The following SCLT1 variants were observed in gnomAD, a reference collection of about 807,000 sequenced individuals.
SCLT1 encodes sodium channel and clathrin linker 1, also known as sodium channel-associated protein 1.
Under a neutral mutation model 112.8 loss-of-function variants are expected in SCLT1, and 78 were observed. The observed-to-expected ratio is 0.69, with a 90% confidence interval of 0.58 to 0.83. The LOEUF (loss-of-function observed/expected upper bound fraction) is 0.83. SCLT1 is among the 40% of genes least tolerant of loss of function. The pLI is 0.00. For missense variants in SCLT1, 747 were observed against 770.4 expected (o/e 0.97, Z 0.36); for synonymous variants, 257 against 254.7 (o/e 1.01, Z -0.09).
At chr4:129,014,388 C>T (rs1744810783) in intron 5 of SCLT1, among the ~76,000 whole-genome samples, 1 of 152,148 alleles carries the variant, frequency 6.6e-6, no homozygotes, top group East Asian at 1.9e-4. Context: ...GGCACTGTGG[C>T]TTTTTGAGTT....
At chr4:129,045,314 G>T (rs1198799465) in intron 2 of SCLT1, among the ~76,000 whole-genome samples, 1 of 151,964 alleles carries the variant, frequency 6.6e-6, no homozygotes, top group East Asian at 1.9e-4. Context: ...CCTATAAATG[G>T]AAAGACTGAC....
intron 15 of SCLT1, among the ~76,000 whole-genome samples, chr4:128,947,514 C>T (rs1738278892): frequency 6.6e-6 from 1 of 152,100 alleles, no homozygotes; most frequent in Non-Finnish European, 1.5e-5. Context: ...AATTTTTACG[C>T]TACATAGCTC....
At chr4:128,911,069 G>C (rs1343602162) in intron 18 of SCLT1, among the ~76,000 whole-genome samples, 1 of 152,056 alleles carries the variant, frequency 6.6e-6, no homozygotes, top group African/African-American at 2.4e-5. Flanking sequence ...TTCGAGACCA[G>C]CCTGGCAAAC....
chr4:128,897,211 C>T (rs1733841838), intron 18 of SCLT1, among the ~76,000 whole-genome samples: 1 of 152,056 alleles, frequency 6.6e-6, no homozygotes, highest in Non-Finnish European at 1.5e-5. Flanking sequence ...AACTCCAAGA[C>T]ACATAATTGT....
intron 2 of SCLT1, among the ~76,000 whole-genome samples, chr4:129,046,834 A>G (rs1400752213): frequency 6.6e-6 from 1 of 152,082 alleles, no homozygotes; most frequent in Non-Finnish European, 1.5e-5. Flanking sequence ...ACTTGGAACT[A>G]TGCTTTTCAC....
Position 129,003,815 on chromosome 4 carries a change from C to G in SCLT1, c.352G>C (p.Glu118Gln). 1 of 1,612,226 alleles carries G rather than the reference C, an allele frequency of 6.2e-7. No individual in the cohort carries two copies. The highest frequency in any genetic ancestry group is 1.1e-5 in the South Asian group (1 of 90,896). Residue 118 changes from glutamate to glutamine, a missense_variant, in exon 6 of 21, where the codon GAG (glutamate) becomes CAG (glutamine). Glu to Gln is a conservative substitution (Grantham distance 29, BLOSUM62 2). Coordinates refer to ENST00000281142, the MANE Select transcript of SCLT1 (RefSeq NM_144643.4). ...TCTGCATATATGTCAGTTCCTACCT[C>G]TGTGCCCAGGGGAAAGGCCTCCAAT... is the stretch of plus-strand genomic sequence containing the variant. ...KKLEAFPLGT[E>Q]VGTDIYADDE...
chr4:128,998,812 A>G (rs1028959076), intron 7 of SCLT1, among the ~76,000 whole-genome samples: 6 of 151,906 alleles, frequency 3.9e-5, no homozygotes, highest in Non-Finnish European at 7.4e-5. Flanking sequence ...TTCTTTAGGT[A>G]GATATTTCTA....
chr4:128,884,280 T>C lies in SCLT1; in HGVS notation c.*197A>G. 2.2e-6 allele frequency: 1 copy of C among 457,000 alleles called. No individual in the cohort carries two copies. The highest frequency in any genetic ancestry group is 3.8e-6 in the Non-Finnish European group (1 of 259,754). The allele number at this position is 457,000 out of a possible 1,614,324, so 28.3% of individuals were successfully genotyped here. On this transcript the variant is annotated 3_prime_UTR_variant, in exon 21 of 21. Transcript: ENST00000281142. ...TGGTTTATTCTCCACTGAAGCTCAA[T>C]ATAGGATTATATTTTCTTTACTTAC...
At chr4:128,929,647 C>T (rs1010079753) in intron 18 of SCLT1, among the ~76,000 whole-genome samples, 1 of 152,030 alleles carries the variant, frequency 6.6e-6, no homozygotes, top group African/African-American at 2.4e-5. Flanking sequence ...GATAAGCAAA[C>T]AAACCAAAAG....
At chr4:129,058,857 T>C in intron 2 of SCLT1, among the ~76,000 whole-genome samples, 1 of 152,282 alleles carries the variant, frequency 6.6e-6, no homozygotes, top group East Asian at 1.9e-4. Context: ...ATAAAATATT[T>C]ATAATTGTTA....
chr4:129,076,652 A>G (rs919250898), intron 2 of SCLT1, among the ~76,000 whole-genome samples: 140 of 152,066 alleles, frequency 9.2e-4, no homozygotes, highest in African/African-American at 3.2e-3. Context: ...AGAGGATTCA[A>G]TTAGCCTGGG....
chr4:128,911,195 G>A (rs1281561770), intron 18 of SCLT1, among the ~76,000 whole-genome samples: 1 of 149,038 alleles, frequency 6.7e-6, no homozygotes, highest in African/African-American at 2.6e-5. Context: ...GAATCTGGGA[G>A]GCGGAGGTTG....
chr4:128,970,039 T>A (rs1560908400), intron 10 of SCLT1, among the ~76,000 whole-genome samples: 1 of 152,188 alleles, frequency 6.6e-6, no homozygotes, highest in Admixed American at 6.5e-5. Flanking sequence ...ATAAATACTT[T>A]AGTAAATAAC....
chr4:129,008,657 GAATTT>G (rs1744241882), intron 5 of SCLT1, among the ~76,000 whole-genome samples: 1 of 151,722 alleles, frequency 6.6e-6, no homozygotes. Flanking sequence ...AAATTTTTTT[GAATTT>G]ATTTTTTACT....
intron 2 of SCLT1, among the ~76,000 whole-genome samples, chr4:129,052,817 T>C (rs376951927): frequency 1.8e-4 from 28 of 152,300 alleles, no homozygotes; most frequent in African/African-American, 6.7e-4. Flanking sequence ...TTAATTGCTA[T>C]GTTAGGGTGT....
intron 5 of SCLT1, among the ~76,000 whole-genome samples, chr4:129,024,966 G>T (rs1458523748): frequency 4.6e-5 from 7 of 152,080 alleles, no homozygotes; most frequent in Non-Finnish European, 1.0e-4. Flanking sequence ...AAGATGAAAT[G>T]AATGAAATGA....
At chr4:128,905,094 T>C (rs1734593079) in intron 18 of SCLT1, among the ~76,000 whole-genome samples, 1 of 152,196 alleles carries the variant, frequency 6.6e-6, no homozygotes, top group African/African-American at 2.4e-5. Context: ...ACACGTTTAC[T>C]AGAAAAAAAC....
intron 8 of SCLT1, among the ~76,000 whole-genome samples, chr4:128,995,582 G>A (rs1027738071): frequency 6.6e-6 from 1 of 152,092 alleles, no homozygotes; most frequent in Non-Finnish European, 1.5e-5. Flanking sequence ...TGTCATACAA[G>A]AGAAGACCCC....
At chr4:129,069,771 G>T (rs1204718426) in intron 2 of SCLT1, among the ~76,000 whole-genome samples, 1 of 152,014 alleles carries the variant, frequency 6.6e-6, no homozygotes, top group African/African-American at 2.4e-5. Flanking sequence ...GATCGCTCTG[G>T]CTAGGGCTTC....
Sources: allele counts gnomAD v4.1 joint callset (sites outside exome capture counted in the v4.1 genomes callset), GRCh38; gene constraint gnomAD v4.1.1; transcripts MANE v1.5; gene names NCBI Gene and HGNC (gene_info 2026-07-23, HGNC 2026-07-21).